ULK4: variants seen among roughly 807,000 people sequenced by gnomAD.
The protein encoded by ULK4 is unc-51 like kinase 4.
Under a neutral mutation model 160.6 loss-of-function variants are expected in ULK4, and 133 were observed. That is an observed-to-expected ratio of 0.83 (90% CI 0.72 to 0.96). The LOEUF is 0.96. Ranked by LOEUF, ULK4 falls within the 40% of genes least tolerant of loss-of-function variation. ULK4 has a pLI of 0.00. For synonymous variants in ULK4, 534 were observed against 539.8 expected (o/e 0.99, Z 0.15); for missense variants, 1,580 against 1,499.5 (o/e 1.05, Z -0.89).
At chr3:41,270,139 A>G (rs1039667264) in intron 35 of ULK4, among the ~76,000 whole-genome samples, 2 of 152,162 alleles carry the variant, frequency 1.3e-5, no homozygotes, top group African/African-American at 4.8e-5. Context: ...AAAAAAAGCG[A>G]TCTGTCATAT....
At chr3:41,794,673 A>AAAAAAAAC (rs2040246642) in intron 20 of ULK4, among the ~76,000 whole-genome samples, 3 of 130,308 alleles carry the variant, frequency 2.3e-5, no homozygotes, top group Non-Finnish European at 4.8e-5. Context: ...AAAAAAAAAA[A>AAAAAAAAC]AAAAAAAAAA....
chr3:41,259,382 G>T (rs934628082), intron 35 of ULK4, among the ~76,000 whole-genome samples: 3 of 152,150 alleles, frequency 2.0e-5, no homozygotes, highest in African/African-American at 4.8e-5. Context: ...ATACAAACTA[G>T]CAAGTGGAGC....
chr3:41,366,634 ATATACT>A lies in ULK4; in HGVS notation c.3678+31439_3678+31444del, dbSNP rs140359805. Among the ~76,000 whole-genome samples the A allele has an allele frequency of 4.2e-3, 634 of 152,192 alleles. 2 individuals carry two copies. The highest frequency in any genetic ancestry group is 0.014 in the African/African-American group (601 of 41,512). ...ACACACATACACTTATTGTGCGCAG[ATATACT>A]TATATCTGTATATGTCTACAATTTT... On this transcript the variant is annotated intron_variant, in intron 35 of 36. Transcript: ENST00000301831.
At chr3:41,805,759 T>G (rs1240205450) in intron 19 of ULK4, among the ~76,000 whole-genome samples, 165 of 150,588 alleles carry the variant, frequency 1.1e-3, no homozygotes, top group African/African-American at 3.9e-3. Context: ...TTTTTGTCTT[T>G]GGTTCTGTTT....
intron 25 of ULK4, among the ~76,000 whole-genome samples, chr3:41,709,080 G>T (rs1190695607): frequency 1.3e-5 from 2 of 152,046 alleles, no homozygotes; most frequent in East Asian, 1.9e-4. Context: ...AATGGAAAAC[G>T]TAAGAAAACA....
At chr3:41,527,165 T>G (rs567235993) in intron 32 of ULK4, among the ~76,000 whole-genome samples, 4 of 152,232 alleles carry the variant, frequency 2.6e-5, no homozygotes, top group African/African-American at 9.7e-5. Context: ...GGGTAACATG[T>G]GTACAGCTTT....
intron 18 of ULK4, among the ~76,000 whole-genome samples, chr3:41,823,725 G>T (rs1453577429): frequency 6.6e-6 from 1 of 152,106 alleles, no homozygotes. Flanking sequence ...ATTCCACAAA[G>T]CCCTCATGTC....
At chr3:41,255,077 A>T (rs2078808875) in intron 35 of ULK4, among the ~76,000 whole-genome samples, 1 of 151,670 alleles carries the variant, frequency 6.6e-6, no homozygotes, top group Non-Finnish European at 1.5e-5. Context: ...AAACAAAATA[A>T]AACATATCTC....
chr3:41,896,670 C>T, intron 15 of ULK4, 152 bp downstream of exon 15: 1 of 818,060 alleles, frequency 1.2e-6, no homozygotes, highest in South Asian at 2.6e-5. Context: ...ACTTTAGGAC[C>T]TAAGGATTAA....
At chr3:41,533,499 G>A (rs1222494885) in intron 32 of ULK4, among the ~76,000 whole-genome samples, 3 of 152,206 alleles carry the variant, frequency 2.0e-5, no homozygotes, top group Admixed American at 1.3e-4. Flanking sequence ...TTTGAGAGTA[G>A]TTTGGGAAGC....
At chr3:41,543,903 T>C (rs535107943) in intron 32 of ULK4, among the ~76,000 whole-genome samples, 6 of 152,340 alleles carry the variant, frequency 3.9e-5, no homozygotes, top group South Asian at 2.1e-4. Flanking sequence ...CTTTATATTA[T>C]CTACTTGATG....
At chr3:41,960,123 T>C (rs1700619457) in intron 1 of ULK4, among the ~76,000 whole-genome samples, 1 of 151,824 alleles carries the variant, frequency 6.6e-6, no homozygotes, top group South Asian at 2.1e-4. Context: ...CCCAAAATTC[T>C]GGAATTACAG....
intron 21 of ULK4, among the ~76,000 whole-genome samples, chr3:41,771,352 GAA>G (rs2039365129): frequency 6.6e-6 from 1 of 152,040 alleles, no homozygotes; most frequent in Non-Finnish European, 1.5e-5. Flanking sequence ...GATGAAATAA[GAA>G]AGAATACATT....
intron 35 of ULK4, among the ~76,000 whole-genome samples, chr3:41,381,266 T>C (rs546781994): frequency 1.1e-4 from 16 of 152,282 alleles, no homozygotes; most frequent in African/African-American, 3.8e-4. Context: ...CTTGATTCAC[T>C]CTCCTCATTT....
At chr3:41,585,569 G>C (rs2030732843) in intron 31 of ULK4, among the ~76,000 whole-genome samples, 1 of 152,138 alleles carries the variant, frequency 6.6e-6, no homozygotes, top group Non-Finnish European at 1.5e-5. Flanking sequence ...AAAACTTCTA[G>C]AAGAAAACAT....
intron 21 of ULK4, among the ~76,000 whole-genome samples, chr3:41,758,797 C>T (rs562997541): frequency 3.3e-5 from 5 of 151,684 alleles, no homozygotes; most frequent in African/African-American, 4.8e-5. Flanking sequence ...GGCGTGAACC[C>T]GGGAGGCGGA....
intron 22 of ULK4, among the ~76,000 whole-genome samples, chr3:41,723,149 TTAA>T (rs1404860235): frequency 1.3e-5 from 2 of 152,108 alleles, no homozygotes; most frequent in Non-Finnish European, 2.9e-5. Context: ...TTCATAATTA[TTAA>T]TGACAGAATA....
chr3:41,548,108 G>T (rs1354557051), intron 32 of ULK4, among the ~76,000 whole-genome samples: 1 of 152,116 alleles, frequency 6.6e-6, no homozygotes, highest in Non-Finnish European at 1.5e-5. Flanking sequence ...CGCTGCTGCT[G>T]CCACCTGAGC....
chr3:41,707,437 T>TG (rs779806548), intron 25 of ULK4, among the ~76,000 whole-genome samples: 12 of 151,960 alleles, frequency 7.9e-5, no homozygotes, highest in Non-Finnish European at 1.5e-4. Flanking sequence ...ACTTACGGAA[T>TG]GGGAAAAAAA....
Sources: allele counts gnomAD v4.1 joint callset (sites outside exome capture counted in the v4.1 genomes callset), GRCh38; gene constraint gnomAD v4.1.1; transcripts MANE v1.5; gene names NCBI Gene and HGNC (gene_info 2026-07-23, HGNC 2026-07-21).